Variants in DEPTOR observed in about 807,000 individuals in gnomAD.
DEPTOR encodes the protein DEP domain containing MTOR interacting protein.
In DEPTOR, 41 loss-of-function variants were observed where a neutral mutation model predicts 41.6. The ratio of observed to expected loss-of-function variants is 0.98; its 90% CI spans 0.77 to 1.28. DEPTOR has a LOEUF of 1.28. Among genes scored for constraint, DEPTOR ranks in the 50% most tolerant of loss-of-function variants. DEPTOR has a pLI of 0.00. For missense variants in DEPTOR, 514 were observed against 527.9 expected (o/e 0.97, Z 0.26); for synonymous variants, 195 against 192.3 (o/e 1.01, Z -0.12).
chr8:119,934,160 C>T (rs1170988973), intron 3 of DEPTOR, among the ~76,000 whole-genome samples: 3 of 152,110 alleles, frequency 2.0e-5, no homozygotes, highest in Non-Finnish European at 4.4e-5. Context: ...GGATTATAGG[C>T]GTGAGCCACT....
At chr8:119,874,949 G>A (rs574520390) in intron 1 of DEPTOR, among the ~76,000 whole-genome samples, 1 of 152,260 alleles carries the variant, frequency 6.6e-6, no homozygotes, top group East Asian at 1.9e-4. Context: ...TTCTTAGCCT[G>A]AATTCCCCAG....
At chr8:119,998,860 A>G (rs1563587232) in intron 4 of DEPTOR, among the ~76,000 whole-genome samples, 1 of 150,986 alleles carries the variant, frequency 6.6e-6, no homozygotes, top group African/African-American at 2.4e-5. Context: ...CAGATACTGT[A>G]TTATATTTCT....
At chr8:119,881,140 T>G (rs1020389452) in intron 1 of DEPTOR, among the ~76,000 whole-genome samples, 6 of 152,260 alleles carry the variant, frequency 3.9e-5, no homozygotes, top group Non-Finnish European at 8.8e-5. Context: ...ACAGGCTTAC[T>G]ATTGTCTTTT....
intron 3 of DEPTOR, among the ~76,000 whole-genome samples, chr8:119,941,223 A>G (rs911266882): frequency 3.9e-5 from 6 of 152,014 alleles, no homozygotes; most frequent in Non-Finnish European, 5.9e-5. Flanking sequence ...AATACAAAAA[A>G]TTAGCCAGGC....
intron 3 of DEPTOR, among the ~76,000 whole-genome samples, chr8:119,951,060 T>TAC (rs1554675777): frequency 7.8e-6 from 1 of 128,882 alleles, no homozygotes; most frequent in African/African-American, 2.7e-5. Context: ...CTATCTAATA[T>TAC]ACACACACAC....
At chr8:119,941,768 A>G (rs1235005089) in intron 3 of DEPTOR, among the ~76,000 whole-genome samples, 1 of 152,216 alleles carries the variant, frequency 6.6e-6, no homozygotes, top group East Asian at 1.9e-4. Context: ...AGGGAAATTG[A>G]GTCTAGAGAG....
At chr8:119,924,049 G>T (rs1827934018) in intron 1 of DEPTOR, among the ~76,000 whole-genome samples, 1 of 152,084 alleles carries the variant, frequency 6.6e-6, no homozygotes, top group Admixed American at 6.6e-5. Flanking sequence ...CATCTCCTTA[G>T]CACCTTCCTA....
At chr8:120,048,957 A>T (rs1813192235) in intron 8 of DEPTOR, among the ~76,000 whole-genome samples, 2 of 151,844 alleles carry the variant, frequency 1.3e-5, no homozygotes, top group African/African-American at 4.8e-5. Context: ...GCTTTCCAAT[A>T]CTCTTCCCAG....
rs114928870 is a variant in DEPTOR at position 120,038,977 on chromosome 8, C to T, written c.1102-10599C>T. 9.4e-3 allele frequency among the ~76,000 whole-genome samples: 1,436 copies of T among 152,320 alleles called. 21 individuals are homozygous for T. Among genetic ancestry groups the T allele is most frequent in the African/African-American group, 0.033 (1,381 of 41,578 alleles). ...GCTATTATAGCACTGCCCATGCTGACTGGCAAGTTGTGACCTAAGAAGTAG... is the reference window on the plus strand; with the variant it reads ...GCTATTATAGCACTGCCCATGCTGATTGGCAAGTTGTGACCTAAGAAGTAG... On this transcript the variant is annotated intron_variant, in intron 8 of 8. Coordinates refer to ENST00000286234, the MANE Select transcript of DEPTOR (RefSeq NM_022783.4).
At chr8:119,924,387 A>G (rs1827937471) in intron 1 of DEPTOR, among the ~76,000 whole-genome samples, 1 of 152,198 alleles carries the variant, frequency 6.6e-6, no homozygotes, top group African/African-American at 2.4e-5. Flanking sequence ...ATCAGAAGAC[A>G]GAAAACTCAG....
intron 5 of DEPTOR, 70 bp downstream of exon 5, chr8:120,001,780 CT>C: frequency 1.3e-6 from 2 of 1,497,812 alleles, no homozygotes; most frequent in Non-Finnish European, 1.8e-6. Flanking sequence ...CATGACTCAC[CT>C]TTGTGAAATT....
At chr8:119,962,406 A>G (rs1370485486) in intron 3 of DEPTOR, among the ~76,000 whole-genome samples, 2 of 152,160 alleles carry the variant, frequency 1.3e-5, no homozygotes, top group East Asian at 1.9e-4. Context: ...AGACCTGACC[A>G]TAACCGAGAT....
At chr8:119,959,236 C>T (rs1828458326) in intron 3 of DEPTOR, among the ~76,000 whole-genome samples, 2 of 146,078 alleles carry the variant, frequency 1.4e-5, no homozygotes, top group Non-Finnish European at 3.0e-5. Context: ...CATCTCGGCT[C>T]ACTGCAAGCT....
intron 1 of DEPTOR, among the ~76,000 whole-genome samples, chr8:119,880,370 A>T (rs1486524298): frequency 6.6e-6 from 1 of 152,096 alleles, no homozygotes; most frequent in East Asian, 1.9e-4. Context: ...TATTTTGTAG[A>T]TTAAAAAATT....
intron 4 of DEPTOR, chr8:119,969,690 G>A (rs1317691252): frequency 2.0e-5 from 3 of 152,246 alleles, no homozygotes; most frequent in East Asian, 1.9e-4. Context: ...TATGCTTCCC[G>A]TGATTGTAGG....
At chr8:120,008,527 CA>C (rs35570467) in intron 7 of DEPTOR, among the ~76,000 whole-genome samples, 482 of 99,688 alleles carry the variant, frequency 4.8e-3, no homozygotes, top group African/African-American at 0.016. Context: ...GACTCTGTCT[CA>C]AAAAAAAAAA....
intron 1 of DEPTOR, among the ~76,000 whole-genome samples, chr8:119,907,726 A>C (rs572880102): frequency 2.6e-4 from 40 of 152,262 alleles, no homozygotes; most frequent in African/African-American, 9.1e-4. Context: ...GTTGCAGTGA[A>C]CTGAGATCAT....
At chr8:119,972,062 T>C (rs755451954) in intron 4 of DEPTOR, among the ~76,000 whole-genome samples, 16 of 152,182 alleles carry the variant, frequency 1.1e-4, no homozygotes, top group Admixed American at 4.6e-4. Context: ...GGCCCTTCCG[T>C]ATTGGGGCTG....
At chr8:119,944,568 C>A (rs186539438) in intron 3 of DEPTOR, among the ~76,000 whole-genome samples, 1 of 151,976 alleles carries the variant, frequency 6.6e-6, no homozygotes, top group Admixed American at 6.6e-5. Flanking sequence ...AGGCCTCACA[C>A]AACTTTGGTA....
Sources: allele counts gnomAD v4.1 joint callset (sites outside exome capture counted in the v4.1 genomes callset), GRCh38; gene constraint gnomAD v4.1.1; transcripts MANE v1.5; gene names NCBI Gene and HGNC (gene_info 2026-07-23, HGNC 2026-07-21).